TTLL11: variants seen among roughly 807,000 people sequenced by gnomAD.
The protein encoded by TTLL11 is tubulin polyglutamylase TTLL11.
In TTLL11, 42 loss-of-function variants were observed where a neutral mutation model predicts 51.7. The observed-to-expected ratio is 0.81, with a 90% CI of 0.64 to 1.05. TTLL11 has a LOEUF of 1.05. TTLL11 is among the 50% of genes least tolerant of loss of function. The probability of loss-of-function intolerance (pLI) is 0.00; values close to 1 mark genes in which losing one functional copy is unlikely to be tolerated. For synonymous variants in TTLL11, 381 were observed against 383.5 expected (o/e 0.99, Z 0.08); for missense variants, 799 against 940.4 (o/e 0.85, Z 1.97).
At chr9:122,085,606 T>C (rs1846103285) in intron 1 of TTLL11, among the ~76,000 whole-genome samples, 1 of 152,150 alleles carries the variant, frequency 6.6e-6, no homozygotes, top group African/African-American at 2.4e-5. Flanking sequence ...CATACATATA[T>C]GGACTACATT....
At chr9:122,011,574 A>C (rs775087150) in intron 3 of TTLL11, among the ~76,000 whole-genome samples, 6 of 152,300 alleles carry the variant, frequency 3.9e-5, no homozygotes, top group Non-Finnish European at 7.4e-5. Context: ...TGATTTTGAT[A>C]ATGACACTGG....
chr9:121,863,635 C>T (rs1442879906), intron 7 of TTLL11, among the ~76,000 whole-genome samples: 1 of 152,202 alleles, frequency 6.6e-6, no homozygotes, highest in Admixed American at 6.5e-5. Flanking sequence ...GAGGAGGGAT[C>T]CATGCTGGCT....
At chr9:122,048,003 C>T (rs1423407193) in intron 1 of TTLL11, among the ~76,000 whole-genome samples, 1 of 152,044 alleles carries the variant, frequency 6.6e-6, no homozygotes, top group East Asian at 1.9e-4. Flanking sequence ...GATCTCTTAG[C>T]TTATTTTTAA....
chr9:121,911,783 G>A (rs1317662327), intron 6 of TTLL11, among the ~76,000 whole-genome samples: 1 of 152,128 alleles, frequency 6.6e-6, no homozygotes, highest in Non-Finnish European at 1.5e-5. Flanking sequence ...TCTGTTGTGG[G>A]GGTGGGGAAC....
At chr9:122,002,838 T>G (rs567794900) in intron 3 of TTLL11, among the ~76,000 whole-genome samples, 1 of 148,464 alleles carries the variant, frequency 6.7e-6, no homozygotes, top group African/African-American at 2.5e-5. Flanking sequence ...CCCAGCTACT[T>G]GGGAGGCTGA....
chr9:122,029,269 T>C (rs1414085687), intron 3 of TTLL11, among the ~76,000 whole-genome samples: 1 of 152,188 alleles, frequency 6.6e-6, no homozygotes, highest in African/African-American at 2.4e-5. Flanking sequence ...GTACTCCTTC[T>C]ACTTCTAAAA....
chr9:121,960,684 C>G (rs1842193102), intron 6 of TTLL11, among the ~76,000 whole-genome samples: 1 of 152,216 alleles, frequency 6.6e-6, no homozygotes, highest in Non-Finnish European at 1.5e-5. Flanking sequence ...TCGTTCACAC[C>G]TTAGCAGTTT....
intron 6 of TTLL11, among the ~76,000 whole-genome samples, chr9:121,900,469 CTTTT>C (rs1839731386): frequency 6.6e-6 from 1 of 152,134 alleles, no homozygotes; most frequent in African/African-American, 2.4e-5. Context: ...CCGTGGATTT[CTTTT>C]TATTTTGCTT....
rs1444299669 is a variant in TTLL11, at chr9:121,817,266, A to AT, written c.*5320_*5321insA. ...CATTTCTCAGCCTACGAATGTCTTT[A>AT]AACATGTGGGAATGAAGGGGAGGTG... On this transcript the variant is annotated 3_prime_UTR_variant, in exon 9 of 9. Coordinates refer to ENST00000321582, the MANE Select transcript of TTLL11 (RefSeq NM_001139442.2). The AT allele has an allele frequency of 1.3e-5, 2 of 152,228 alleles. No individual in the cohort carries two copies. Among genetic ancestry groups the AT allele is most frequent in the African/African-American group, 4.8e-5 (2 of 41,434 alleles). The allele number at this position is 152,228 out of a possible 1,614,324, so 9.4% of individuals were successfully genotyped here.
chr9:121,836,070 T>C (rs73539170), intron 8 of TTLL11, among the ~76,000 whole-genome samples: 15,435 of 152,266 alleles, frequency 0.1, 1,419 homozygotes, highest in African/African-American at 0.24. Context: ...TGTCAGGCAC[T>C]GTGGTGAGTA....
At chr9:122,088,295 T>C (rs970146773) in intron 1 of TTLL11, among the ~76,000 whole-genome samples, 4 of 152,208 alleles carry the variant, frequency 2.6e-5, no homozygotes, top group Non-Finnish European at 5.9e-5. Context: ...CATCCTTGAA[T>C]CACTCACCTC....
At chr9:121,999,439 C>T (rs576926718) in intron 3 of TTLL11, among the ~76,000 whole-genome samples, 20 of 152,178 alleles carry the variant, frequency 1.3e-4, no homozygotes, top group Non-Finnish European at 2.6e-4. Context: ...CACCATCCAT[C>T]CATGTCCCCA....
intron 6 of TTLL11, among the ~76,000 whole-genome samples, chr9:121,892,135 T>TATATATACACACATACATATAC (rs1839265910): frequency 2.0e-5 from 3 of 147,406 alleles, no homozygotes. Context: ...TCTACCTTTA[T>TATATATACACACATACATATAC]ATATATACAC....
intron 1 of TTLL11, among the ~76,000 whole-genome samples, chr9:122,069,028 A>G (rs2131888776): frequency 6.6e-6 from 1 of 152,200 alleles, no homozygotes; most frequent in East Asian, 1.9e-4. Flanking sequence ...GCATATCACA[A>G]GAGTAAGAAA....
chr9:121,923,763 C>G (rs1041499141), intron 6 of TTLL11, among the ~76,000 whole-genome samples: 1 of 152,204 alleles, frequency 6.6e-6, no homozygotes, highest in South Asian at 2.1e-4. Flanking sequence ...GACTCTCTTT[C>G]GCTCCCAGGA....
At chr9:121,909,914 G>A (rs1046732349) in intron 6 of TTLL11, among the ~76,000 whole-genome samples, 17 of 152,212 alleles carry the variant, frequency 1.1e-4, no homozygotes, top group Admixed American at 9.2e-4. Flanking sequence ...AAAGGAAATT[G>A]CAAGGGAAGA....
intron 8 of TTLL11, among the ~76,000 whole-genome samples, chr9:121,827,783 T>A (rs79953839): frequency 0.018 from 2,706 of 146,736 alleles, 81 homozygotes; most frequent in African/African-American, 0.064. Context: ...TCAGAGAACG[T>A]AACCTTTTGA....
chr9:121,861,089 T>G (rs1187958564), intron 7 of TTLL11, among the ~76,000 whole-genome samples: 1 of 13,946 alleles, frequency 7.2e-5, no homozygotes, highest in East Asian at 5.6e-3. Flanking sequence ...AGGCAAGTGT[T>G]TTTTTTTTTT....
intron 6 of TTLL11, among the ~76,000 whole-genome samples, chr9:121,895,641 G>A (rs1485656634): frequency 7.6e-6 from 1 of 130,892 alleles, no homozygotes; most frequent in African/African-American, 2.9e-5. Context: ...GTGTGCTTAT[G>A]AGTGTGTGTG....
Sources: gnomAD v4.1 joint callset for allele counts (sites outside exome capture counted in the v4.1 genomes callset) on GRCh38, gnomAD v4.1.1 for gene constraint, MANE v1.5 for transcripts, NCBI Gene and HGNC (gene_info 2026-07-23, HGNC 2026-07-21) for gene names.